CDH4: variants seen among roughly 807,000 people sequenced by gnomAD.
The protein encoded by CDH4 is cadherin 4, also known as cadherin-4.
CDH4 carries 33 observed loss-of-function variants against 86.0 expected under a neutral mutation model. The observed-to-expected ratio is 0.38, with a 90% confidence interval of 0.29 to 0.51. CDH4 has a LOEUF of 0.51. CDH4 is among the 20% of genes least tolerant of loss of function. CDH4 has a pLI of 0.86. For synonymous variants in CDH4, 555 were observed against 549.4 expected (o/e 1.01, Z -0.14); for missense variants, 1,114 against 1,307.4 (o/e 0.85, Z 2.28).
At chr20:61,388,566 G>A (rs149838448) in intron 2 of CDH4, among the ~76,000 whole-genome samples, 2 of 152,306 alleles carry the variant, frequency 1.3e-5, no homozygotes, top group Admixed American at 6.5e-5. Flanking sequence ...TCCACTGGCC[G>A]TGAGTGTTGC....
At chr20:61,253,096 C>G (rs999906819) in intron 1 of CDH4, among the ~76,000 whole-genome samples, 2 of 151,564 alleles carry the variant, frequency 1.3e-5, no homozygotes, top group African/African-American at 4.8e-5. Flanking sequence ...CGGCGCCGCT[C>G]AGTTCTGTGG....
chr20:61,557,857 G>A (rs1266208570), intron 2 of CDH4, among the ~76,000 whole-genome samples: 1 of 151,654 alleles, frequency 6.6e-6, no homozygotes, highest in African/African-American at 2.4e-5. Flanking sequence ...CGCGGCGCTG[G>A]ATTTTAGGAA....
chr20:61,893,491 A>G (rs1984948094), intron 7 of CDH4, among the ~76,000 whole-genome samples: 1 of 130,246 alleles, frequency 7.7e-6, no homozygotes, highest in Non-Finnish European at 1.6e-5. Flanking sequence ...GGGATGGTGG[A>G]TGGGTAGGTG....
intron 2 of CDH4, among the ~76,000 whole-genome samples, chr20:61,421,990 G>C (rs6089292): frequency 0.062 from 9,486 of 152,202 alleles, 447 homozygotes; most frequent in African/African-American, 0.12. Flanking sequence ...ACAGGCCGCG[G>C]CTATCACCAG....
rs1223791167 is a variant in CDH4, at chr20:61,810,846, G to A, written c.577-33822G>A. On this transcript the variant is annotated intron_variant, in intron 4 of 15. Transcript: ENST00000614565. This position sits in a 1 kb window ranked among gnomAD's most constrained non-coding sequence, Gnocchi z 4.3. ...GTCTCAGCTGCTCAACAGAGCCACT[G>A]CCCCTTGGCCCGGCTTCTCCAGAAC... Among the ~76,000 whole-genome samples, 1 of 152,202 alleles carries A rather than the reference G, an allele frequency of 6.6e-6. No individual in the cohort carries two copies. The highest frequency in any genetic ancestry group is 1.9e-4 in the East Asian group (1 of 5,176).
chr20:61,343,264 G>A (rs1010361328), intron 2 of CDH4, among the ~76,000 whole-genome samples: 1 of 152,216 alleles, frequency 6.6e-6, no homozygotes, highest in African/African-American at 2.4e-5. Flanking sequence ...GTCTGTTCTA[G>A]GCTGGAAAAT....
intron 2 of CDH4, among the ~76,000 whole-genome samples, chr20:61,488,011 A>C (rs1393551215): frequency 6.6e-6 from 1 of 152,256 alleles, no homozygotes; most frequent in African/African-American, 2.4e-5. Flanking sequence ...AAATGGAGGC[A>C]GTTCAATCGA....
intron 2 of CDH4, among the ~76,000 whole-genome samples, chr20:61,483,857 G>A (rs1225709966): frequency 1.3e-5 from 2 of 152,100 alleles, no homozygotes; most frequent in African/African-American, 2.4e-5. Context: ...ATTTTGGAGG[G>A]GGGTGGTTAT....
intron 3 of CDH4, among the ~76,000 whole-genome samples, chr20:61,745,015 G>A (rs2088396649): frequency 6.6e-6 from 1 of 152,220 alleles, no homozygotes; most frequent in Admixed American, 6.5e-5. Flanking sequence ...AGGGGCCCCA[G>A]TGGTGGAAAG....
In CDH4 at chr20:61,633,803, G is replaced by A. The variant is rs576677917; in HGVS notation, c.170-109760G>A. ...GCTCAGTCCAGGGCTGGTGCTCAGT[G>A]ATGTAGCCTGCAGTTAATGTGCACT... On this transcript the variant is annotated intron_variant, in intron 2 of 15. Coordinates refer to ENST00000614565, the MANE Select transcript of CDH4 (RefSeq NM_001794.5). Among the ~76,000 whole-genome samples, 3 of 152,298 alleles carry A rather than the reference G, an allele frequency of 2.0e-5. No homozygotes were observed. In the South Asian group the frequency reaches 6.2e-4, roughly 32 times the overall value.
At chr20:61,688,862 C>T (rs1230950863) in intron 2 of CDH4, among the ~76,000 whole-genome samples, 1 of 152,222 alleles carries the variant, frequency 6.6e-6, no homozygotes, top group African/African-American at 2.4e-5. Flanking sequence ...GGGAAACGTC[C>T]CTGTCATCTC....
intron 7 of CDH4, among the ~76,000 whole-genome samples, chr20:61,874,631 A>G (rs1416213995): frequency 6.6e-6 from 1 of 152,224 alleles, no homozygotes; most frequent in East Asian, 1.9e-4. Flanking sequence ...GCGTTCCCAG[A>G]AGATTCACCA....
At chr20:61,641,147 G>A (rs1013251660) in intron 2 of CDH4, among the ~76,000 whole-genome samples, 1 of 152,194 alleles carries the variant, frequency 6.6e-6, no homozygotes, top group East Asian at 1.9e-4. Context: ...AGGATGGAAG[G>A]GGACCCCGGA....
chr20:61,522,005 T>G (rs2085872743), intron 2 of CDH4, among the ~76,000 whole-genome samples: 1 of 152,200 alleles, frequency 6.6e-6, no homozygotes, highest in African/African-American at 2.4e-5. Flanking sequence ...CCCATGCATT[T>G]GCCAAGAGAG....
rs572585938 is a variant in CDH4 at position 61,465,708 on chromosome 20, A to T, written c.169+210771A>T. On this transcript the variant is annotated intron_variant, in intron 2 of 15. Transcript: ENST00000614565. ...TTTTTGTTGTTGTCAATCCTTGCCA[A>T]TAATTTTGAACTTGATCTTCATTTG... 4.7e-3 allele frequency among the ~76,000 whole-genome samples: 721 copies of T among 152,304 alleles called. 3 individuals carry two copies. The highest frequency in any genetic ancestry group is 8.3e-3 in the Non-Finnish European group (567 of 68,030).
intron 2 of CDH4, among the ~76,000 whole-genome samples, chr20:61,531,758 A>C (rs1434606959): frequency 6.6e-6 from 1 of 152,224 alleles, no homozygotes; most frequent in African/African-American, 2.4e-5. Flanking sequence ...TGAGGCCGGG[A>C]TGAGTCATCA....
chr20:61,531,014 G>T (rs1475518549), intron 2 of CDH4, among the ~76,000 whole-genome samples: 1 of 151,772 alleles, frequency 6.6e-6, no homozygotes, highest in African/African-American at 2.4e-5. Context: ...GAAAAGCAAG[G>T]CTCAACAGCC....
chr20:61,650,691 T>A (rs2087111402), intron 2 of CDH4, among the ~76,000 whole-genome samples: 1 of 152,290 alleles, frequency 6.6e-6, no homozygotes, highest in East Asian at 1.9e-4. Context: ...ATATACTGAG[T>A]TTATATTGTA....
At chr20:61,756,500 C>T (rs549040870) in intron 3 of CDH4, among the ~76,000 whole-genome samples, 2 of 150,394 alleles carry the variant, frequency 1.3e-5, no homozygotes, top group African/African-American at 4.9e-5. Flanking sequence ...TATCCCCTAT[C>T]CCCCAGGCCC....
Sources: gnomAD v4.1 joint callset for allele counts (sites outside exome capture counted in the v4.1 genomes callset) on GRCh38, gnomAD v4.1.1 for gene constraint, Gnocchi (gnomAD v3.1) non-coding constraint, MANE v1.5 for transcripts, NCBI Gene and HGNC (gene_info 2026-07-23, HGNC 2026-07-21) for gene names.